The following TULP4 variants were observed in gnomAD, a reference collection of about 807,000 sequenced individuals.
TULP4 encodes TUB like protein 4.
TULP4 carries 16 observed loss-of-function variants against 129.0 expected under a neutral mutation model. That is an observed-to-expected ratio of 0.12 (90% CI 0.08 to 0.19). TULP4 has a LOEUF of 0.19. TULP4 is among the 10% of genes least tolerant of loss of function. The pLI, the probability that TULP4 is intolerant of heterozygous loss-of-function variation, is 1.00. For missense variants in TULP4, 1,842 were observed against 2,059.1 expected (o/e 0.89, Z 2.04); for synonymous variants, 998 against 854.0 (o/e 1.17, Z -2.94).
intron 8 of TULP4, among the ~76,000 whole-genome samples, chr6:158,485,964 C>A (rs558891708): frequency 6.6e-6 from 1 of 152,314 alleles, no homozygotes; most frequent in African/African-American, 2.4e-5. Context: ...TGAATTGTAC[C>A]TCAGGTCCCA....
At chr6:158,247,777 A>G (rs535317475) in intron 1 of TULP4, among the ~76,000 whole-genome samples, 20 of 152,246 alleles carry the variant, frequency 1.3e-4, no homozygotes, top group Non-Finnish European at 2.6e-4. Flanking sequence ...ACGAACAGCT[A>G]TGGCAAAATG....
At chr6:158,277,146 G>T (rs1224817477) in intron 1 of TULP4, among the ~76,000 whole-genome samples, 1 of 152,040 alleles carries the variant, frequency 6.6e-6, no homozygotes, top group Admixed American at 6.6e-5. Flanking sequence ...TCACCATTTT[G>T]CCCAGGCTGG....
upstream of TULP4, among the ~76,000 whole-genome samples, chr6:158,311,359 C>T (rs151087656): frequency 0.013 from 1,902 of 151,456 alleles, 42 homozygotes; most frequent in African/African-American, 0.042. Flanking sequence ...GAAGGACTGG[C>T]GGGGCGGGAG....
upstream of TULP4, among the ~76,000 whole-genome samples, chr6:158,309,712 A>G (rs1779303077): frequency 6.6e-6 from 1 of 152,054 alleles, no homozygotes; most frequent in Admixed American, 6.5e-5. Flanking sequence ...AACACAGCGA[A>G]ACCCCGTCTC....
intron 8 of TULP4, among the ~76,000 whole-genome samples, chr6:158,483,931 T>C (rs1471731609): frequency 6.6e-6 from 1 of 151,908 alleles, no homozygotes; most frequent in African/African-American, 2.4e-5. Flanking sequence ...TAGTTTTTTT[T>C]TTTTTCAGAC....
intron 4 of TULP4, among the ~76,000 whole-genome samples, chr6:158,450,486 A>G (rs908778763): frequency 1.3e-5 from 2 of 152,212 alleles, no homozygotes; most frequent in Non-Finnish European, 2.9e-5. Context: ...GAAGGCATTC[A>G]CACATGAAAA....
chr6:158,341,466 T>C (rs903313535), intron 1 of TULP4, among the ~76,000 whole-genome samples: 2 of 152,240 alleles, frequency 1.3e-5, no homozygotes, highest in African/African-American at 2.4e-5. Context: ...ATAGGGTTGC[T>C]GGATTGTATG....
Position 158,479,926 on chromosome 6 carries a change from C to T in TULP4, c.1202C>T (p.Pro401Leu). 1 of 1,611,166 alleles carries T rather than the reference C, an allele frequency of 6.2e-7. No individual in the cohort carries two copies. Among genetic ancestry groups the T allele is most frequent in the Non-Finnish European group, 8.5e-7 (1 of 1,179,924 alleles). Residue 401 changes from proline to leucine, a missense_variant, in exon 7 of 14, where the codon CCC becomes CTC. Around this residue, in one of 5 missense-constraint regions of TULP4, gnomAD observed 456 missense variants for 534.3 expected, o/e 0.85. Transcript: ENST00000367097. ...AAGGACGTCAGCAAGCTGACTCTGC[C>T]CCCCCGCCTCTGCTCCTACCTCTCC... is the stretch of plus-strand genomic sequence containing the variant. ...EDKDVSKLTL[P>L]PRLCSYLSTA...
chr6:158,422,803 C>G (rs927661487), intron 2 of TULP4, among the ~76,000 whole-genome samples: 1 of 152,178 alleles, frequency 6.6e-6, no homozygotes, highest in South Asian at 2.1e-4. Flanking sequence ...AAAACGCTGG[C>G]CCTCCCACCC....
At chr6:158,425,344 T>C (rs1057124272) in intron 2 of TULP4, among the ~76,000 whole-genome samples, 3 of 150,600 alleles carry the variant, frequency 2.0e-5, no homozygotes, top group Non-Finnish European at 4.4e-5. Flanking sequence ...TGAAACCTCG[T>C]CTCGACTAAA....
intron 8 of TULP4, among the ~76,000 whole-genome samples, chr6:158,485,579 C>G (rs1053259630): frequency 6.6e-6 from 1 of 152,198 alleles, no homozygotes; most frequent in Non-Finnish European, 1.5e-5. Context: ...GAAAAATAAC[C>G]TTGAAAGTGA....
At chr6:158,450,892 T>A (rs2115139662) in intron 4 of TULP4, among the ~76,000 whole-genome samples, 2 of 151,566 alleles carry the variant, frequency 1.3e-5, no homozygotes, top group Admixed American at 1.3e-4. Context: ...CCGTCTCTAC[T>A]AAAAATACAA....
At chr6:158,447,691 C>A (rs1372266216) in intron 3 of TULP4, among the ~76,000 whole-genome samples, 2 of 152,196 alleles carry the variant, frequency 1.3e-5, no homozygotes, top group African/African-American at 4.8e-5. Flanking sequence ...ACATTAAAAT[C>A]TCAAGCAAAA....
At chr6:158,453,154 A>C (rs1036063004) in intron 5 of TULP4, among the ~76,000 whole-genome samples, 1 of 152,100 alleles carries the variant, frequency 6.6e-6, no homozygotes, top group African/African-American at 2.4e-5. Flanking sequence ...TGAATTATTC[A>C]GCAGTCACAG....
chr6:158,260,169 C>T (rs1778325328), intron 1 of TULP4, among the ~76,000 whole-genome samples: 1 of 152,180 alleles, frequency 6.6e-6, no homozygotes, highest in Non-Finnish European at 1.5e-5. Flanking sequence ...CCCTCTGTCA[C>T]CTCATTAGTG....
intron 1 of TULP4, among the ~76,000 whole-genome samples, chr6:158,337,034 T>TC (rs1562525328): frequency 0.029 from 100 of 3,432 alleles, 3 homozygotes; most frequent in African/African-American, 0.057. Flanking sequence ...TCTTTCTTTC[T>TC]TTTTCTTTCT....
chr6:158,237,755 A>ACCCT, intron 1 of TULP4: 1 of 819,002 alleles, frequency 1.2e-6, no homozygotes, highest in Non-Finnish European at 2.2e-6. Context: ...TTCCAAATGT[A>ACCCT]TGTAGCACCA....
chr6:158,403,637 C>T (rs1178710625), intron 1 of TULP4, among the ~76,000 whole-genome samples: 3 of 152,146 alleles, frequency 2.0e-5, no homozygotes, highest in South Asian at 2.1e-4. Flanking sequence ...GGTTTTGAAC[C>T]GGGGACATTT....
At chr6:158,304,463 T>TA (rs1212879501) in intron 1 of TULP4, among the ~76,000 whole-genome samples, 2 of 152,156 alleles carry the variant, frequency 1.3e-5, no homozygotes, top group African/African-American at 4.8e-5. Context: ...AGGTCAGCAT[T>TA]ATTTATTCTT....
Sources: allele counts gnomAD v4.1 joint callset (sites outside exome capture counted in the v4.1 genomes callset), GRCh38; gene constraint gnomAD v4.1.1; regional missense constraint gnomAD v4.1.1; transcripts MANE v1.5; gene names NCBI Gene and HGNC (gene_info 2026-07-23, HGNC 2026-07-21).